CYP7B1: variants seen among roughly 807,000 people sequenced by gnomAD.
CYP7B1 encodes the protein cytochrome P450 7B1.
Under a neutral mutation model 42.7 loss-of-function variants are expected in CYP7B1, and 29 were observed. That is an observed-to-expected ratio of 0.68 (90% CI 0.51 to 0.93). The LOEUF is 0.93. CYP7B1 is among the 40% of genes least tolerant of loss of function. The pLI is 0.00. For missense variants in CYP7B1, 655 were observed against 600.5 expected (o/e 1.09, Z -0.95); for synonymous variants, 235 against 218.2 (o/e 1.08, Z -0.68).
At chr8:64,642,527 C>T (rs1033307572) in intron 1 of CYP7B1, among the ~76,000 whole-genome samples, 3 of 152,092 alleles carry the variant, frequency 2.0e-5, no homozygotes, top group Non-Finnish European at 2.9e-5. Flanking sequence ...ATTATTTTAA[C>T]ATTTTAGGAT....
At chr8:64,776,496 A>G (rs1260099734) in intron 1 of CYP7B1, among the ~76,000 whole-genome samples, 1 of 152,178 alleles carries the variant, frequency 6.6e-6, no homozygotes, top group Non-Finnish European at 1.5e-5. Flanking sequence ...TGATTATCCT[A>G]AAATACTTTT....
rs564119072 is a variant in CYP7B1 at position 64,621,977 on chromosome 8, C to T, written c.259+2426G>A. On this transcript the variant is annotated intron_variant, in intron 2 of 5. Coordinates refer to ENST00000310193, the MANE Select transcript of CYP7B1 (RefSeq NM_004820.5). ...CCAGGATGGTCTCGAATTCCTACCT[C>T]GTGATCCACCCGCCTCAGACTGGCC... is the stretch of plus-strand genomic sequence containing the variant. Among the ~76,000 whole-genome samples the T allele has an allele frequency of 2.8e-3, 421 of 151,630 alleles. 2 individuals are homozygous for T. The highest frequency in any genetic ancestry group is 4.8e-3 in the Non-Finnish European group (329 of 67,874).
At chr8:64,763,758 C>T (rs1563419587) in intron 1 of CYP7B1, among the ~76,000 whole-genome samples, 2 of 152,284 alleles carry the variant, frequency 1.3e-5, no homozygotes, top group South Asian at 2.1e-4. Flanking sequence ...GCTGTCATCC[C>T]GAACTCCCAG....
At chr8:64,634,974 A>C (rs1408579313) in intron 1 of CYP7B1, among the ~76,000 whole-genome samples, 1 of 152,196 alleles carries the variant, frequency 6.6e-6, no homozygotes, top group Non-Finnish European at 1.5e-5. Context: ...AAGGCTTTTC[A>C]CAGTTGCAGT....
At chr8:64,766,856 C>G (rs1807980602) in intron 1 of CYP7B1, among the ~76,000 whole-genome samples, 1 of 152,214 alleles carries the variant, frequency 6.6e-6, no homozygotes, top group Admixed American at 6.5e-5. Context: ...GTATGCTTGA[C>G]CATTGACAGC....
chr8:64,747,256 A>G (rs1252830436), intron 1 of CYP7B1, among the ~76,000 whole-genome samples: 1 of 148,160 alleles, frequency 6.7e-6, no homozygotes, highest in Non-Finnish European at 1.5e-5. Flanking sequence ...TATTAAACGT[A>G]GTATAAGTCA....
At chr8:64,727,555 T>A (rs1229908169) in intron 1 of CYP7B1, among the ~76,000 whole-genome samples, 1 of 152,138 alleles carries the variant, frequency 6.6e-6, no homozygotes, top group African/African-American at 2.4e-5. Flanking sequence ...GATTCCAACA[T>A]CAAAGCCACC....
intron 1 of CYP7B1, among the ~76,000 whole-genome samples, chr8:64,788,464 C>A (rs940172310): frequency 3.9e-5 from 6 of 152,158 alleles, no homozygotes; most frequent in African/African-American, 1.4e-4. Context: ...TTTCTCACAT[C>A]CCAGAGCTGT....
chr8:64,705,391 T>A (rs1249558976), intron 1 of CYP7B1, among the ~76,000 whole-genome samples: 1 of 151,988 alleles, frequency 6.6e-6, no homozygotes, highest in Non-Finnish European at 1.5e-5. Context: ...ATCACTTTTT[T>A]CAACATAGAT....
At chr8:64,600,259 G>A (rs892263169) in intron 5 of CYP7B1, among the ~76,000 whole-genome samples, 1 of 152,168 alleles carries the variant, frequency 6.6e-6, no homozygotes, top group Non-Finnish European at 1.5e-5. Context: ...TGGTATTCGT[G>A]ACAAAGGAAG....
intron 1 of CYP7B1, among the ~76,000 whole-genome samples, chr8:64,629,270 C>T (rs1041390395): frequency 2.0e-5 from 3 of 149,474 alleles, no homozygotes; most frequent in Admixed American, 6.7e-5. Context: ...TTACAGCAAT[C>T]TATACTTATC....
chr8:64,659,608 T>A (rs1806171555), intron 1 of CYP7B1, among the ~76,000 whole-genome samples: 1 of 152,230 alleles, frequency 6.6e-6, no homozygotes, highest in Non-Finnish European at 1.5e-5. Context: ...ATAATAAGTT[T>A]CCTTGTACAA....
intron 2 of CYP7B1, among the ~76,000 whole-genome samples, chr8:64,624,038 T>C (rs1805569869): frequency 6.6e-6 from 1 of 152,152 alleles, no homozygotes; most frequent in Non-Finnish European, 1.5e-5. Context: ...TACTAAATTT[T>C]CTGTAAACCT....
chr8:64,707,880 T>C (rs1807023645), intron 1 of CYP7B1, among the ~76,000 whole-genome samples: 1 of 152,046 alleles, frequency 6.6e-6, no homozygotes, highest in South Asian at 2.1e-4. Context: ...TCTCTGGAAA[T>C]AGAGATATAT....
intron 1 of CYP7B1, among the ~76,000 whole-genome samples, chr8:64,760,506 CAAAATT>C (rs763325643): frequency 4.0e-5 from 6 of 151,884 alleles, no homozygotes; most frequent in Admixed American, 2.0e-4. Flanking sequence ...CACCCAATAG[CAAAATT>C]AAAATAACCC....
rs543717282 is a variant in CYP7B1 at position 64,602,729 on chromosome 8, A to T, written c.1233+1953T>A. Reference sequence around the variant, plus strand: ...GGCTCACGGTAGACTTTTCTAGAACAATCTCCTTTTCTTTACTGTCAATAT... The same window carrying T: ...GGCTCACGGTAGACTTTTCTAGAACTATCTCCTTTTCTTTACTGTCAATAT... On this transcript the variant is annotated intron_variant, in intron 5 of 5. Coordinates refer to ENST00000310193, the MANE Select transcript of CYP7B1 (RefSeq NM_004820.5). 1.3e-3 allele frequency among the ~76,000 whole-genome samples: 204 copies of T among 152,332 alleles called. 1 individual carries two copies. The highest frequency in any genetic ancestry group is 1.6e-4 in the Non-Finnish European group (11 of 68,024).
chr8:64,758,052 T>A (rs887194107), intron 1 of CYP7B1, among the ~76,000 whole-genome samples: 2 of 152,110 alleles, frequency 1.3e-5, no homozygotes, highest in African/African-American at 4.8e-5. Flanking sequence ...CATTCCCAAT[T>A]AAACTACCTA....
intron 1 of CYP7B1, among the ~76,000 whole-genome samples, chr8:64,775,233 C>A (rs941073683): frequency 6.6e-6 from 1 of 152,098 alleles, no homozygotes; most frequent in Non-Finnish European, 1.5e-5. Context: ...TGAACTCACT[C>A]TAGGATTCAG....
intron 1 of CYP7B1, among the ~76,000 whole-genome samples, chr8:64,781,585 T>C (rs145710558): frequency 6.6e-6 from 1 of 152,284 alleles, no homozygotes; most frequent in East Asian, 1.9e-4. Flanking sequence ...AAAAGTCAAG[T>C]ATTTCTCAAA....
Sources: allele counts gnomAD v4.1 joint callset (sites outside exome capture counted in the v4.1 genomes callset), GRCh38; gene constraint gnomAD v4.1.1; transcripts MANE v1.5; gene names NCBI Gene and HGNC (gene_info 2026-07-23, HGNC 2026-07-21).